The following MAP3K9 variants were observed in gnomAD, a reference collection of about 807,000 sequenced individuals.
MAP3K9 encodes the protein mitogen-activated protein kinase kinase kinase 9.
MAP3K9 carries 46 observed loss-of-function variants against 95.8 expected under a neutral mutation model. The observed-to-expected ratio is 0.48, with a 90% CI of 0.38 to 0.61. MAP3K9 has a LOEUF of 0.61. Ranked by LOEUF, MAP3K9 falls within the 20% of genes least tolerant of loss-of-function variation. The pLI, the probability that MAP3K9 is intolerant of heterozygous loss-of-function variation, is 0.00. For missense variants in MAP3K9, 1,296 were observed against 1,474.3 expected, an observed-to-expected ratio of 0.88 and a Z score of 1.98; for synonymous variants, 533 against 593.8, an observed-to-expected ratio of 0.90 and a Z score of 1.49.
chr14:70,778,239 T>C (rs1022364816), intron 2 of MAP3K9, among the ~76,000 whole-genome samples: 10 of 150,568 alleles, frequency 6.6e-5, no homozygotes, highest in Non-Finnish European at 1.5e-4. Flanking sequence ...GCCTCCCAAG[T>C]AGCCTCAACC....
At chr14:70,748,221 T>G (rs1057410784) in intron 5 of MAP3K9, among the ~76,000 whole-genome samples, 2 of 152,138 alleles carry the variant, frequency 1.3e-5, no homozygotes, top group Non-Finnish European at 2.9e-5. Flanking sequence ...TAGTTGCATG[T>G]GACTGGCTTC....
At chr14:70,800,325 T>C (rs970415647) in intron 2 of MAP3K9, among the ~76,000 whole-genome samples, 4 of 151,952 alleles carry the variant, frequency 2.6e-5, no homozygotes, top group African/African-American at 9.7e-5. Context: ...AAGAGGAAAA[T>C]CCCTTTTGTG....
At chr14:70,802,214 G>A (rs1203793126) in intron 1 of MAP3K9, among the ~76,000 whole-genome samples, 2 of 152,292 alleles carry the variant, frequency 1.3e-5, no homozygotes, top group East Asian at 3.9e-4. Context: ...TAGGGAGTAC[G>A]CAGTCAATTT....
In MAP3K9 at chr14:70,725,083, T is replaced by C. The variant is rs2053802076; in HGVS notation, c.*5297A>G. On this transcript the variant is annotated 3_prime_UTR_variant, in exon 12 of 12. Coordinates refer to ENST00000554752, the MANE Select transcript of MAP3K9 (RefSeq NM_001284230.2). ...TTCCAAGGGTTAACAAAGAGAGGTG[T>C]GGAAAAGCTCAGCTCCTATAACCAG... 6.6e-6 allele frequency: 1 copy of C among 152,240 alleles called. No individual in the cohort carries two copies. Among genetic ancestry groups the C allele is most frequent in the Non-Finnish European group, 1.5e-5 (1 of 68,128 alleles). The allele number at this position is 152,240 out of a possible 1,614,324, so 9.4% of individuals were successfully genotyped here.
At position 70,780,553 on chromosome 14, in the gene MAP3K9, T is replaced by C. The variant is rs117103053; in HGVS notation, c.821-19371A>G. ...TAGCTCTCTCTAACATCCTAAAATA[T>C]AACTGCTTCAAAAGGCGTCAACTTG... is the stretch of plus-strand genomic sequence containing the variant. On this transcript the variant is annotated intron_variant, in intron 2 of 11. Transcript: ENST00000554752. 8.3e-3 allele frequency among the ~76,000 whole-genome samples: 1,259 copies of C among 152,292 alleles called. 6 individuals carry two copies. Among genetic ancestry groups the C allele is most frequent in the Non-Finnish European group, 0.013 (876 of 68,012 alleles).
At chr14:70,735,759 G>A (rs183686526) in intron 9 of MAP3K9, among the ~76,000 whole-genome samples, 2 of 152,250 alleles carry the variant, frequency 1.3e-5, no homozygotes, top group Admixed American at 6.5e-5. Flanking sequence ...TCAGTGGAGT[G>A]AAGAATATGG....
In MAP3K9 at chr14:70,809,054, C is replaced by T; in HGVS notation, c.118G>A (p.Ala40Thr). 1.4e-6 allele frequency: 2 copies of T among 1,456,228 alleles called. No individual in the cohort carries two copies. Among genetic ancestry groups the T allele is most frequent in the Non-Finnish European group, 1.8e-6 (2 of 1,109,582 alleles). The allele number at this position is 1,456,228 out of a possible 1,614,324, so 90.2% of individuals were successfully genotyped here. A position where few individuals can be genotyped will look rare whatever the true frequency, so the allele number is the denominator to read the frequency against. Residue 40 changes from alanine to threonine, a missense_variant, in exon 1 of 12, where the codon GCG (alanine) becomes ACG (threonine). By Grantham distance (58) the Ala-to-Thr change is moderately conservative. Coordinates refer to ENST00000554752, the MANE Select transcript of MAP3K9 (RefSeq NM_001284230.2). Reference sequence around the variant, plus strand: ...AGCTCCCCGGGGCCCACCGCCGCCGCCGCCTCCTCCTCCTCCTCCTCCTCC... The same window carrying T: ...AGCTCCCCGGGGCCCACCGCCGCCGTCGCCTCCTCCTCCTCCTCCTCCTCC... The part of the protein sequence containing the change: ...EEEEEEEEEA[A>T]AAVGPGELGC...
At chr14:70,799,658 G>A (rs2139858563) in intron 2 of MAP3K9, among the ~76,000 whole-genome samples, 1 of 152,298 alleles carries the variant, frequency 6.6e-6, no homozygotes, top group East Asian at 1.9e-4. Flanking sequence ...AGTTTTTAAA[G>A]TAAACAGATT....
Position 70,730,560 on chromosome 14 carries a change from C to G in MAP3K9, c.3135G>C (p.Glu1045Asp). The G allele has an allele frequency of 6.2e-7, 1 of 1,613,922 alleles. No individual in the cohort carries two copies. Among genetic ancestry groups the G allele is most frequent in the East Asian group, 2.2e-5 (1 of 44,894 alleles). Residue 1045 changes from glutamate to aspartate, a missense_variant, in exon 12 of 12, where the codon GAG becomes GAC. Transcript: ENST00000554752. ...CFASSSSTVEERPGLPALLPF... is the reference protein window; with the variant it reads ...CFASSSSTVEDRPGLPALLPF... ...GGAGCAGGGCTGGAAGTCCAGGCCG[C>G]TCCTCTACAGTGCTGCTACTGCTAG...
chr14:70,796,497 C>A (rs1453369009), intron 2 of MAP3K9, among the ~76,000 whole-genome samples: 1 of 152,166 alleles, frequency 6.6e-6, no homozygotes. Context: ...AATTCCTTAG[C>A]GGCAATGCCC....
At chr14:70,777,864 AG>A (rs1454937439) in intron 2 of MAP3K9, among the ~76,000 whole-genome samples, 1 of 152,252 alleles carries the variant, frequency 6.6e-6, no homozygotes, top group East Asian at 1.9e-4. Flanking sequence ...ACAGAATCCA[AG>A]ATTTCACTCC....
intron 3 of MAP3K9, among the ~76,000 whole-genome samples, chr14:70,756,199 G>T (rs1323853831): frequency 6.6e-6 from 1 of 152,158 alleles, no homozygotes; most frequent in Admixed American, 6.5e-5. Context: ...TCTACATGCG[G>T]CATTTGTGCT....
At position 70,732,885 on chromosome 14, in the gene MAP3K9, G is replaced by A; in HGVS notation, c.2484C>T (p.Pro828=). The A allele has an allele frequency of 1.2e-6, 2 of 1,613,858 alleles. No individual in the cohort carries two copies. Among genetic ancestry groups the A allele is most frequent in the Non-Finnish European group, 1.7e-6 (2 of 1,179,826 alleles). The change falls in exon 11 of 12, where the codon CCC becomes CCT. Residue 828 remains proline (P), a synonymous_variant. Coordinates refer to ENST00000554752, the MANE Select transcript of MAP3K9 (RefSeq NM_001284230.2). The part of the protein sequence containing the change: ...KEEPMLLLGD[P]SASLTLLSLS... ...GGGAGAGCAGCGTCAGGGAGGCAGA[G>A]GGGTCTCCTAGCAACAGCATGGGCT...
intron 2 of MAP3K9, chr14:70,783,161 TA>T: frequency 1.7e-6 from 1 of 584,844 alleles, no homozygotes; most frequent in Non-Finnish European, 2.2e-6. Context: ...GTAAGAAACC[TA>T]AAATTGGCCA....
chr14:70,787,826 C>T (rs1334745687), intron 2 of MAP3K9, among the ~76,000 whole-genome samples: 1 of 151,998 alleles, frequency 6.6e-6, no homozygotes, highest in African/African-American at 2.4e-5. Context: ...AACACACAAA[C>T]AAAACAAGAT....
chr14:70,775,358 A>G (rs917246705), intron 2 of MAP3K9, among the ~76,000 whole-genome samples: 1 of 152,164 alleles, frequency 6.6e-6, no homozygotes, highest in Non-Finnish European at 1.5e-5. Context: ...GAAGCGAAAG[A>G]GTCAAGATTT....
In MAP3K9 at chr14:70,809,263, C is replaced by G. The variant is rs938695759; in HGVS notation, c.-92G>C. ...TGCGCCTCCGCAGAGCTGGGAGGAC[C>G]CCCCCCCAACGACGGCGGCCGCAGG... is the stretch of plus-strand genomic sequence containing the variant. On this transcript the variant is annotated 5_prime_UTR_variant, in exon 1 of 12. Coordinates refer to ENST00000554752, the MANE Select transcript of MAP3K9 (RefSeq NM_001284230.2). 7 of 1,235,148 alleles carry G rather than the reference C, an allele frequency of 5.7e-6. No homozygotes were observed. The highest frequency in any genetic ancestry group is 7.1e-6 in the Non-Finnish European group (7 of 989,226). 76.5% of individuals were successfully genotyped at this position (1,235,148 alleles called of 1,614,324 possible).
At chr14:70,783,905 C>A (rs1197133030) in intron 2 of MAP3K9, among the ~76,000 whole-genome samples, 2 of 152,210 alleles carry the variant, frequency 1.3e-5, no homozygotes, top group Non-Finnish European at 2.9e-5. Flanking sequence ...GTTTATATTA[C>A]TTTTCTGGTT....
chr14:70,775,062 T>TTAGTATATAA lies in MAP3K9; in HGVS notation c.821-13890_821-13881dup, dbSNP rs2054580185. Among the ~76,000 whole-genome samples, 5 of 148,890 alleles carry TTAGTATATAA rather than the reference T, an allele frequency of 3.4e-5. No homozygotes were observed. In the Admixed American group the frequency reaches 3.4e-4, roughly 10 times the overall value. ...CATGTAACTATATTATAATAAAACATTAGTATATAAGATGATAAGCGAAAC... is the reference window on the plus strand; with the variant it reads ...CATGTAACTATATTATAATAAAACATTAGTATATAATAGTATATAAGATGATAAGCGAAAC... On this transcript the variant is annotated intron_variant, in intron 2 of 11. Coordinates refer to ENST00000554752, the MANE Select transcript of MAP3K9 (RefSeq NM_001284230.2).
Sources: gnomAD v4.1 joint callset for allele counts (sites outside exome capture counted in the v4.1 genomes callset) on GRCh38, gnomAD v4.1.1 for gene constraint, MANE v1.5 for transcripts, NCBI Gene and HGNC (gene_info 2026-07-23, HGNC 2026-07-21) for gene names.